Variants in CDH2 observed in about 807,000 individuals in gnomAD.
CDH2 encodes the protein cadherin 2, also known as cadherin-2.
A neutral mutation model predicts 92.0 loss-of-function variants in CDH2; 17 were observed. The observed-to-expected ratio is 0.18, with a 90% CI of 0.13 to 0.28. The LOEUF is 0.28. Ranked by LOEUF, CDH2 falls within the 10% of genes least tolerant of loss-of-function variation. CDH2 has a pLI of 1.00. For synonymous variants in CDH2, 419 were observed against 415.9 expected (o/e 1.01, Z -0.09); for missense variants, 862 against 1,133.1 (o/e 0.76, Z 3.44).
At chr18:28,083,628 C>G (rs2014871957) in intron 2 of CDH2, among the ~76,000 whole-genome samples, 1 of 152,104 alleles carries the variant, frequency 6.6e-6, no homozygotes, top group African/African-American at 2.4e-5. Flanking sequence ...TATTTATATT[C>G]AGGCCAAGAT....
At chr18:28,164,957 G>A (rs2016357148) in intron 1 of CDH2, among the ~76,000 whole-genome samples, 1 of 152,202 alleles carries the variant, frequency 6.6e-6, no homozygotes, top group African/African-American at 2.4e-5. Flanking sequence ...TCCAAGTGTG[G>A]TCGATGGAAC....
At chr18:27,972,385 A>C (rs1004912973) in intron 14 of CDH2, among the ~76,000 whole-genome samples, 1 of 152,174 alleles carries the variant, frequency 6.6e-6, no homozygotes, top group Non-Finnish European at 1.5e-5. Context: ...TAAATAAAAT[A>C]TCTATCATAT....
intron 2 of CDH2, among the ~76,000 whole-genome samples, chr18:28,141,195 A>G (rs929933698): frequency 6.6e-5 from 10 of 151,948 alleles, no homozygotes; most frequent in Non-Finnish European, 1.2e-4. Context: ...CAAAGAAAAC[A>G]GGAACTCAGA....
chr18:27,979,332 C>T (rs2011961531), intron 14 of CDH2, among the ~76,000 whole-genome samples: 1 of 152,112 alleles, frequency 6.6e-6, no homozygotes. Flanking sequence ...AATCCAAGTG[C>T]TAATTGAGGA....
At chr18:28,004,953 T>A (rs1409060587) in intron 6 of CDH2, among the ~76,000 whole-genome samples, 1 of 152,048 alleles carries the variant, frequency 6.6e-6, no homozygotes, top group Non-Finnish European at 1.5e-5. Context: ...CATAAGGGAG[T>A]TGCATAAACT....
chr18:28,166,519 A>G (rs2016388383), intron 1 of CDH2, among the ~76,000 whole-genome samples: 1 of 152,114 alleles, frequency 6.6e-6, no homozygotes, highest in African/African-American at 2.4e-5. Context: ...AAATGTTCTT[A>G]TCTGTCAAAC....
chr18:28,157,295 T>C (rs17536792), intron 1 of CDH2, among the ~76,000 whole-genome samples: 2,159 of 152,344 alleles, frequency 0.014, 41 homozygotes, highest in African/African-American at 0.044. Flanking sequence ...AGACTGTTTA[T>C]AATGAACTTG....
At chr18:28,010,178 G>A (rs2013054916) in intron 4 of CDH2, among the ~76,000 whole-genome samples, 1 of 152,180 alleles carries the variant, frequency 6.6e-6, no homozygotes, top group Non-Finnish European at 1.5e-5. Flanking sequence ...TCTGTCCTGG[G>A]AGTTTCTAGG....
chr18:28,109,509 TA>T (rs756030036), intron 2 of CDH2, among the ~76,000 whole-genome samples: 1 of 152,176 alleles, frequency 6.6e-6, no homozygotes, highest in Non-Finnish European at 1.5e-5. Flanking sequence ...ACACCTCTGT[TA>T]CATTATTATA....
chr18:28,087,722 T>C (rs2014959634), intron 2 of CDH2, among the ~76,000 whole-genome samples: 1 of 151,860 alleles, frequency 6.6e-6, no homozygotes, highest in South Asian at 2.1e-4. Context: ...TATTCACCAA[T>C]GCTCCAAATT....
chr18:28,162,749 G>T (rs557055536), intron 1 of CDH2, among the ~76,000 whole-genome samples: 28 of 152,344 alleles, frequency 1.8e-4, no homozygotes, highest in Non-Finnish European at 3.1e-4. Flanking sequence ...GTAAAGCACT[G>T]TTAAAGCCCT....
rs144902176 is a variant in CDH2, at chr18:28,133,073, T to C, written c.172+14600A>G. 5.9e-4 allele frequency among the ~76,000 whole-genome samples: 90 copies of C among 152,312 alleles called. 1 individual carries two copies. The East Asian group carries it at 0.015, about 25-fold the overall frequency. ...TGCCCTTCTTGAAATCAGCAATACC[T>C]GTCTGATCTGGTTCCTCACTTACTT... On this transcript the variant is annotated intron_variant, in intron 2 of 15. Coordinates refer to ENST00000269141, the MANE Select transcript of CDH2 (RefSeq NM_001792.5).
intron 2 of CDH2, among the ~76,000 whole-genome samples, chr18:28,028,267 A>G (rs1055144214): frequency 2.6e-5 from 4 of 152,096 alleles, no homozygotes; most frequent in African/African-American, 9.7e-5. Context: ...TCCCCTGAGT[A>G]ACCAACTTAC....
intron 2 of CDH2, among the ~76,000 whole-genome samples, chr18:28,055,902 A>C (rs552165213): frequency 8.9e-4 from 136 of 152,314 alleles, no homozygotes; most frequent in Non-Finnish European, 1.4e-3. Context: ...TATGACAGAA[A>C]GTTCAAAACT....
chr18:28,046,047 G>A (rs1370656913), intron 2 of CDH2, among the ~76,000 whole-genome samples: 1 of 152,180 alleles, frequency 6.6e-6, no homozygotes, highest in East Asian at 1.9e-4. Flanking sequence ...CCTTATTTAA[G>A]GTAGTCAAGT....
chr18:28,117,518 C>T (rs1416530255), intron 2 of CDH2, among the ~76,000 whole-genome samples: 2 of 152,082 alleles, frequency 1.3e-5, no homozygotes, highest in Non-Finnish European at 2.9e-5. Context: ...CCACAGACAC[C>T]AGAGCCTAGG....
At chr18:28,057,195 A>C (rs956468080) in intron 2 of CDH2, among the ~76,000 whole-genome samples, 1 of 152,204 alleles carries the variant, frequency 6.6e-6, no homozygotes, top group Non-Finnish European at 1.5e-5. Flanking sequence ...TTAAGAACCT[A>C]TCATTGGACT....
chr18:28,167,073 C>G (rs1481333433), intron 1 of CDH2, among the ~76,000 whole-genome samples: 1 of 152,062 alleles, frequency 6.6e-6, no homozygotes, highest in Non-Finnish European at 1.5e-5. Context: ...AAAACTGGGT[C>G]ACTAGTAAGC....
intron 14 of CDH2, 198 bp from the exon 15 acceptor site, chr18:27,963,719 T>C (rs573951655): frequency 1.2e-4 from 69 of 562,602 alleles, no homozygotes; most frequent in East Asian, 1.0e-3. Flanking sequence ...TTTTCATTTC[T>C]ACAGTCTGTG....
Sources: allele counts gnomAD v4.1 joint callset (sites outside exome capture counted in the v4.1 genomes callset), GRCh38; gene constraint gnomAD v4.1.1; transcripts MANE v1.5; gene names NCBI Gene and HGNC (gene_info 2026-07-23, HGNC 2026-07-21).